Variants in UBE3C observed in about 807,000 individuals in gnomAD.
UBE3C encodes ubiquitin protein ligase E3C.
A neutral mutation model predicts 129.4 loss-of-function variants in UBE3C; 42 were observed. That is an observed-to-expected ratio of 0.32 (90% confidence interval 0.25 to 0.42). The LOEUF is 0.42. UBE3C is among the 10% of genes least tolerant of loss of function. UBE3C has a pLI of 1.00. For synonymous variants in UBE3C, 510 were observed against 492.4 expected (o/e 1.04, Z -0.47); for missense variants, 1,049 against 1,319.1 (o/e 0.80, Z 3.17).
intron 1 of UBE3C, among the ~76,000 whole-genome samples, chr7:157,142,315 C>A (rs1048518379): frequency 1.3e-5 from 2 of 152,016 alleles, no homozygotes; most frequent in Non-Finnish European, 2.9e-5. Flanking sequence ...TAAGCTTTTT[C>A]TTTTTTCAAA....
intron 22 of UBE3C, among the ~76,000 whole-genome samples, chr7:157,267,250 C>T (rs958780918): frequency 3.9e-5 from 6 of 152,096 alleles, no homozygotes; most frequent in Non-Finnish European, 8.8e-5. Context: ...GGTGAAACCC[C>T]TTATCTAGGA....
chr7:157,234,048 C>T (rs1314207773), intron 18 of UBE3C, among the ~76,000 whole-genome samples: 1 of 152,174 alleles, frequency 6.6e-6, no homozygotes, highest in Non-Finnish European at 1.5e-5. Context: ...TATTAAGTCC[C>T]TGCAATGCAA....
chr7:157,257,113 A>G, intron 22 of UBE3C, 69 bp downstream of exon 22: 1 of 1,593,406 alleles, frequency 6.3e-7, no homozygotes, highest in Admixed American at 1.8e-5. Context: ...AACATTCAGT[A>G]GGGTTAAATG....
chr7:157,168,231 G>A (rs1362571450), intron 2 of UBE3C, among the ~76,000 whole-genome samples: 6 of 151,100 alleles, frequency 4.0e-5, no homozygotes, highest in Non-Finnish European at 7.4e-5. Flanking sequence ...GGTACCTGTA[G>A]TCCCAGCTAC....
chr7:157,223,449 T>C (rs1795792908), intron 16 of UBE3C, 98 bp downstream of exon 16: 1 of 1,033,426 alleles, frequency 9.7e-7, no homozygotes, highest in East Asian at 2.5e-5. Flanking sequence ...GCCTAGTGCC[T>C]GGCTGATTAC....
At chr7:157,206,130 CTT>C (rs77238165) in intron 11 of UBE3C, among the ~76,000 whole-genome samples, 9,965 of 152,216 alleles carry the variant, frequency 0.065, 464 homozygotes, top group Non-Finnish European at 0.098. Context: ...GGACCATGGA[CTT>C]TATAGAAAGA....
intron 2 of UBE3C, among the ~76,000 whole-genome samples, chr7:157,167,725 G>A (rs1438489346): frequency 6.6e-6 from 1 of 151,786 alleles, no homozygotes; most frequent in Non-Finnish European, 1.5e-5. Flanking sequence ...TTTAGAAGAG[G>A]TATGGTTTCA....
intron 2 of UBE3C, chr7:157,164,288 C>T (rs1471757752): frequency 2.2e-6 from 1 of 453,122 alleles, no homozygotes; most frequent in South Asian, 1.6e-5. Context: ...CCTCCTGTAG[C>T]TGGGACTACA....
At chr7:157,141,925 A>T (rs528135579) in intron 1 of UBE3C, among the ~76,000 whole-genome samples, 3 of 152,208 alleles carry the variant, frequency 2.0e-5, no homozygotes. Context: ...TTTGGTGCAC[A>T]TAATACTCTT....
chr7:157,196,609 T>C (rs989256403), intron 10 of UBE3C, among the ~76,000 whole-genome samples: 4 of 152,182 alleles, frequency 2.6e-5, no homozygotes, highest in African/African-American at 7.2e-5. Context: ...CAAGGCAAGC[T>C]CTGGGAGGAA....
At position 157,220,672 on chromosome 7, in the gene UBE3C, A is replaced by C; in HGVS notation, c.1915-17A>C. 6.2e-7 allele frequency: 1 copy of C among 1,614,008 alleles called. No homozygotes were observed. The highest frequency in any genetic ancestry group is 8.5e-7 in the Non-Finnish European group (1 of 1,179,902). The stretch of plus-strand genomic sequence containing the variant: ...CTAGAGCACAGGGGAGTTCTGAACC[A>C]GGATTGCCCCCGACAGGTCACTCAG... On this transcript the variant is annotated splice_polypyrimidine_tract_variant and intron_variant, in intron 14 of 22. Transcript: ENST00000348165.
At chr7:157,169,947 G>A (rs1181171034) in intron 3 of UBE3C, among the ~76,000 whole-genome samples, 2 of 152,056 alleles carry the variant, frequency 1.3e-5, no homozygotes, top group Non-Finnish European at 2.9e-5. Context: ...GCCTCTCAAA[G>A]TGCTGGGATT....
intron 13 of UBE3C, among the ~76,000 whole-genome samples, chr7:157,213,623 T>TA (rs1321015873): frequency 6.6e-6 from 1 of 152,256 alleles, no homozygotes; most frequent in African/African-American, 2.4e-5. Flanking sequence ...AGGAATGTGT[T>TA]AAGGTGTTTC....
chr7:157,225,353 G>C, intron 16 of UBE3C, 54 bp from the exon 17 acceptor site: 1 of 1,551,774 alleles, frequency 6.4e-7, no homozygotes, highest in Non-Finnish European at 8.6e-7. Context: ...TTCTTTGGTA[G>C]GTTGTAAGAG....
At chr7:157,238,912 G>C (rs1168910907) in intron 18 of UBE3C, among the ~76,000 whole-genome samples, 1 of 152,222 alleles carries the variant, frequency 6.6e-6, no homozygotes, top group Non-Finnish European at 1.5e-5. Context: ...GTGTTTGAAA[G>C]GAAGAGAAAG....
chr7:157,222,237 A>G (rs1474462806), intron 15 of UBE3C: 1 of 152,152 alleles, frequency 6.6e-6, no homozygotes, highest in East Asian at 1.9e-4. Context: ...AGTTTATCAG[A>G]TATGTGATTT....
intron 1 of UBE3C, among the ~76,000 whole-genome samples, chr7:157,153,437 G>A (rs117690635): frequency 6.6e-5 from 10 of 152,104 alleles, no homozygotes; most frequent in South Asian, 2.1e-4. Context: ...GTTGTATTGC[G>A]TAATGGGAGA....
In UBE3C at chr7:157,231,248, A is replaced by G. The variant is rs921130787; in HGVS notation, c.2402A>G (p.Tyr801Cys). 6.2e-7 allele frequency: 1 copy of G among 1,614,076 alleles called. No homozygotes were observed. The highest frequency in any genetic ancestry group is 8.5e-7 in the Non-Finnish European group (1 of 1,180,024). ...FFKTTNEGLL[Y>C]PNPAAQMLVG... ...AAGACTACTAATGAAGGGCTTCTGT[A>G]CCCCAACCCGGCTGCTCAGATGCTT... Residue 801 changes from tyrosine to cysteine, a missense_variant, in exon 18 of 23, where the codon TAC becomes TGC. By Grantham distance (194) the Tyr-to-Cys change is radical (BLOSUM62 -2). Transcript: ENST00000348165.
intron 10 of UBE3C, among the ~76,000 whole-genome samples, chr7:157,190,636 T>TA (rs1491099453): frequency 6.6e-6 from 1 of 152,158 alleles, no homozygotes; most frequent in African/African-American, 2.4e-5. Context: ...CTGTATTCTC[T>TA]ATGTCATGGT....
Sources: allele counts gnomAD v4.1 joint callset (sites outside exome capture counted in the v4.1 genomes callset), GRCh38; gene constraint gnomAD v4.1.1; transcripts MANE v1.5; gene names NCBI Gene and HGNC (gene_info 2026-07-23, HGNC 2026-07-21).